Variants in MTMR1 observed in about 807,000 individuals in gnomAD.
MTMR1 encodes the protein myotubularin related protein 1.
MTMR1 carries 17 observed loss-of-function variants against 51.6 expected under a neutral mutation model. The observed-to-expected ratio is 0.33, with a 90% CI of 0.23 to 0.49. The LOEUF (loss-of-function observed/expected upper bound fraction) is 0.49, where lower values mean the gene tolerates loss of function less well. Among genes scored for constraint, MTMR1 ranks in the 20% least tolerant of loss-of-function variants. The probability of loss-of-function intolerance (pLI) is 0.99; values close to 1 mark genes in which losing one functional copy is unlikely to be tolerated. For missense variants in MTMR1, 386 were observed against 526.9 expected, an observed-to-expected ratio of 0.73 and a Z score of 2.62; for synonymous variants, 201 against 205.6, an observed-to-expected ratio of 0.98 and a Z score of 0.19.
intron 14 of MTMR1, among the ~76,000 whole-genome samples, chrX:150,753,757 C>T (rs1222219481): frequency 2.7e-5 from 3 of 111,764 alleles, no homozygotes; most frequent in Non-Finnish European, 5.6e-5. Context: ...AAATTTTCTC[C>T]CACTCTAGGG....
At chrX:150,706,490 T>A (rs2041107841) in intron 2 of MTMR1, among the ~76,000 whole-genome samples, 1 of 112,031 alleles carries the variant, frequency 8.9e-6, no homozygotes, top group Non-Finnish European at 1.9e-5. Flanking sequence ...AGAGATGTGA[T>A]TTGCAAATAT....
chrX:150,737,347 T>A lies in MTMR1; in HGVS notation c.1372T>A (p.Ser458Thr). The A allele has an allele frequency of 1.7e-6, 2 of 1,211,123 alleles. No homozygotes were observed. Among genetic ancestry groups the A allele is most frequent in the East Asian group, 5.9e-5 (2 of 33,850 alleles). Residue 458 changes from serine (S) to threonine (T), a missense_variant, in exon 12 of 16, where the codon TCT (serine) becomes ACT (threonine). Ser to Thr is a moderately conservative substitution (Grantham distance 58). Coordinates refer to ENST00000445323, the MANE Select transcript of MTMR1 (RefSeq NM_001306144.3). ...TTGGGACCGAACAGCCCAGCTCACA[T>A]CTCTGGCTATGCTAATGTTGGACAG... ...DGWDRTAQLT[S>T]LAMLMLDSYY...
chrX:150,746,107 T>G (rs1205374467), intron 13 of MTMR1, among the ~76,000 whole-genome samples: 4 of 112,203 alleles, frequency 3.6e-5, no homozygotes, highest in Non-Finnish European at 5.6e-5. Context: ...ACAGATCACA[T>G]TTTCAGTGGC....
chrX:150,741,011 G>C (rs1044217160), intron 12 of MTMR1, among the ~76,000 whole-genome samples: 18 of 111,771 alleles, frequency 1.6e-4, no homozygotes, highest in African/African-American at 5.9e-4. Flanking sequence ...CTCCAACATT[G>C]GGGATCAAAT....
intron 8 of MTMR1, among the ~76,000 whole-genome samples, chrX:150,731,230 G>A (rs371159479): frequency 2.9e-4 from 32 of 111,876 alleles, no homozygotes; most frequent in African/African-American, 8.1e-4. Flanking sequence ...TGATTCTAGC[G>A]TATAATTTTC....
At chrX:150,757,841 C>G (rs1557417816) in intron 15 of MTMR1, among the ~76,000 whole-genome samples, 1 of 111,651 alleles carries the variant, frequency 9.0e-6, no homozygotes, top group South Asian at 3.7e-4. Flanking sequence ...TCCCTGCTCA[C>G]CTAGTGCTCT....
rs1156457790 is a variant in MTMR1 at position 150,762,422 on chromosome X, G to A, written c.1858-143G>A. 4.0e-5 allele frequency: 30 copies of A among 752,301 alleles called. 1 individual carries two copies. The highest frequency in any genetic ancestry group is 5.7e-5 in the Admixed American group (2 of 34,885). The allele number at this position is 752,301 out of a possible 1,213,427, so 62.0% of individuals were successfully genotyped here. A position where few individuals can be genotyped will look rare whatever the true frequency, so the allele number is the denominator to read the frequency against. On this transcript the variant is annotated intron_variant, in intron 15 of 15. Transcript: ENST00000445323. ...TGGGGTCCCATTGTCCACCTGACGCGAGATCGGTCAACGCCTCAGGAGACT... is the reference window on the plus strand; with the variant it reads ...TGGGGTCCCATTGTCCACCTGACGCAAGATCGGTCAACGCCTCAGGAGACT...
rs782757489 is a variant in MTMR1, at chrX:150,700,763, T to C, written c.252+1463T>C. Among the ~76,000 whole-genome samples the C allele has an allele frequency of 1.1e-4, 12 of 112,756 alleles. No individual in the cohort carries two copies. The East Asian group carries it at 3.3e-3, about 31-fold the overall frequency. On this transcript the variant is annotated intron_variant, in intron 2 of 15. Coordinates refer to ENST00000445323, the MANE Select transcript of MTMR1 (RefSeq NM_001306144.3). ...GAATAGCTCTCACACTTCGGGGTGATTTTCTTTATGGACAATTATGAGTTA... is the reference window on the plus strand; with the variant it reads ...GAATAGCTCTCACACTTCGGGGTGACTTTCTTTATGGACAATTATGAGTTA...
intron 15 of MTMR1, among the ~76,000 whole-genome samples, chrX:150,760,608 C>G (rs2043081969): frequency 8.9e-6 from 1 of 111,967 alleles, no homozygotes; most frequent in African/African-American, 3.2e-5. Context: ...TTCAGGCATG[C>G]CCTTGATTTG....
chrX:150,761,422 G>C (rs1316249612), intron 15 of MTMR1, among the ~76,000 whole-genome samples: 1 of 112,490 alleles, frequency 8.9e-6, no homozygotes, highest in African/African-American at 3.2e-5. Context: ...CAGGAGGGCT[G>C]ATCACCATTG....
rs1164487381 is a variant in MTMR1 at position 150,764,953 on chromosome X, T to TAAGTA, written c.*2225_*2229dup. On this transcript the variant is annotated 3_prime_UTR_variant, in exon 16 of 16. Transcript: ENST00000445323. ...CCCTGGTCTTTTTTAAGTAAGTAAG[T>TAAGTA]AAGTATCTTAGTAGATTTTTCCTTT... 70 of 112,568 alleles carry TAAGTA rather than the reference T, an allele frequency of 6.2e-4. No homozygotes were observed. The highest frequency in any genetic ancestry group is 2.2e-3 in the African/African-American group (69 of 31,000). The allele number at this position is 112,568 out of a possible 1,213,427, so 9.3% of individuals were successfully genotyped here. A position where few individuals can be genotyped will look rare whatever the true frequency, so the allele number is the denominator to read the frequency against.
chrX:150,745,686 G>T (rs2042558392), intron 13 of MTMR1, among the ~76,000 whole-genome samples: 1 of 112,228 alleles, frequency 8.9e-6, no homozygotes, highest in African/African-American at 3.2e-5. Flanking sequence ...CACCTTGAGT[G>T]CACACAGCCA....
intron 15 of MTMR1, among the ~76,000 whole-genome samples, chrX:150,756,934 C>T (rs1234410365): frequency 8.9e-6 from 1 of 112,505 alleles, no homozygotes; most frequent in Non-Finnish European, 1.9e-5. Flanking sequence ...TATGGGTGTG[C>T]ACCACTGCGC....
chrX:150,704,544 C>T (rs1034620240), intron 2 of MTMR1, among the ~76,000 whole-genome samples: 2 of 111,479 alleles, frequency 1.8e-5, no homozygotes, highest in African/African-American at 3.3e-5. Context: ...CAGTAGAGGC[C>T]GTATCAAGGG....
rs200188817 is a variant in MTMR1, at chrX:150,713,944, T to C, written c.276+1579T>C. Among the ~76,000 whole-genome samples the C allele has an allele frequency of 1.8e-4, 18 of 102,821 alleles. No individual in the cohort carries two copies. In the South Asian group the frequency reaches 3.3e-3, roughly 19 times the overall value. The allele number at this position is 102,821 out of a possible 115,157, so 89.3% of individuals were successfully genotyped here. ...ACACACACACACACACACACACACA[T>C]ACACATATATATATAATCTCCAGCA... On this transcript the variant is annotated intron_variant, in intron 3 of 15. Coordinates refer to ENST00000445323, the MANE Select transcript of MTMR1 (RefSeq NM_001306144.3).
intron 6 of MTMR1, among the ~76,000 whole-genome samples, chrX:150,728,852 G>A (rs964723650): frequency 3.5e-4 from 38 of 108,347 alleles, no homozygotes; most frequent in East Asian, 1.5e-3. Context: ...CCTAGACTGC[G>A]TTCAAAACCA....
intron 12 of MTMR1, among the ~76,000 whole-genome samples, chrX:150,741,858 G>C (rs1392252042): frequency 8.9e-6 from 1 of 112,411 alleles, no homozygotes; most frequent in East Asian, 2.8e-4. Context: ...TTTATAGTGG[G>C]GCAATGCATG....
At chrX:150,717,055 GTC>G (rs1200268900) in intron 3 of MTMR1, among the ~76,000 whole-genome samples, 1 of 110,821 alleles carries the variant, frequency 9.0e-6, no homozygotes, top group Non-Finnish European at 1.9e-5. Flanking sequence ...CACTAAAGAT[GTC>G]TCACTAAAAA....
chrX:150,753,013 A>G (rs1438626827), intron 14 of MTMR1, among the ~76,000 whole-genome samples: 1 of 110,122 alleles, frequency 9.1e-6, no homozygotes, highest in Non-Finnish European at 1.9e-5. Flanking sequence ...CATTTCCCCC[A>G]CCCCTATCCC....
Sources: gnomAD v4.1 joint callset for allele counts (sites outside exome capture counted in the v4.1 genomes callset) on GRCh38, gnomAD v4.1.1 for gene constraint, MANE v1.5 for transcripts, NCBI Gene and HGNC (gene_info 2026-07-23, HGNC 2026-07-21) for gene names.